Variants in PRSS21 observed in about 807,000 individuals in gnomAD.
PRSS21 encodes the protein testisin.
Under a neutral mutation model 31.1 loss-of-function variants are expected in PRSS21, and 40 were observed. That is an observed-to-expected ratio of 1.29 (90% CI 1.00 to 1.68). The LOEUF is 1.68. PRSS21 is among the 40% of genes most tolerant of loss of function. The probability of loss-of-function intolerance (pLI) is 0.00; values close to 1 mark genes in which losing one functional copy is unlikely to be tolerated. For missense variants in PRSS21, 467 were observed against 412.6 expected, an observed-to-expected ratio of 1.13 and a Z score of -1.14; for synonymous variants, 186 against 167.7, an observed-to-expected ratio of 1.11 and a Z score of -0.84.
chr16:2,820,932 C>G (rs1328706546), intron 4 of PRSS21, 23 bp from the exon 5 acceptor site: 1 of 1,610,378 alleles, frequency 6.2e-7, no homozygotes, highest in Admixed American at 1.7e-5. Context: ...CTGTCTCTCT[C>G]CTTCCCACTA....
Position 2,817,875 on chromosome 16 carries a change from C to A in PRSS21, c.166C>A (p.Gln56Lys), listed in dbSNP as rs559797072. The change falls in exon 3 of 6, where the codon CAG becomes AAG. Residue 56 changes from glutamine to lysine, a missense_variant. By Grantham distance (53) the Gln-to-Lys change is moderately conservative. Transcript: ENST00000005995. This position sits in a 1 kb window ranked among gnomAD's most constrained non-coding sequence, Gnocchi z 4.2. Reference protein sequence around the residue: ...EDAELGRWPWQGSLRLWDSHV... With the variant: ...EDAELGRWPWKGSLRLWDSHV... ...CGCCGAACTCGGGCGTTGGCCGTGG[C>A]AGGGGAGCCTGCGCCTGTGGGATTC... 6.5e-7 allele frequency: 1 copy of A among 1,549,704 alleles called. No homozygotes were observed. Among genetic ancestry groups the A allele is most frequent in the Admixed American group, 2.0e-5 (1 of 51,050 alleles).
Position 2,817,239 on chromosome 16 carries a change from A to AG in PRSS21, c.-25dup, listed in dbSNP as rs1041387868. ...CCGGGCCCGGCGCGAGAGGAGGCAG[A>AG]GGGGGCGTCAGGCCGCGGGAGAGGA... On this transcript the variant is annotated 5_prime_UTR_variant, in exon 1 of 6. Coordinates refer to ENST00000005995, the MANE Select transcript of PRSS21 (RefSeq NM_006799.4). The surrounding 1 kb of genome is among the most constrained non-coding windows in gnomAD (Gnocchi z 4.2). 17 of 1,478,712 alleles carry AG rather than the reference A, an allele frequency of 1.1e-5. No individual in the cohort carries two copies. Among genetic ancestry groups the AG allele is most frequent in the Non-Finnish European group, 1.4e-5 (16 of 1,122,968 alleles). The allele number at this position is 1,478,712 out of a possible 1,614,324, so 91.6% of individuals were successfully genotyped here.
In PRSS21 at chr16:2,818,679, A is replaced by G; in HGVS notation, c.260A>G (p.Tyr87Cys). 6.2e-7 allele frequency: 1 copy of G among 1,613,860 alleles called. No homozygotes were observed. The highest frequency in any genetic ancestry group is 1.1e-5 in the South Asian group (1 of 91,066). Residue 87 changes from tyrosine to cysteine, a missense_variant and splice_region_variant, in exon 4 of 6, where the codon TAT becomes TGT. Transcript: ENST00000005995. ...ACTGCTCTCTTCTCTTCTGCCAGCT[A>G]TAGTGACCTTAGTGATCCCTCCGGG... ...ALTAAHCFET[Y>C]SDLSDPSGWM...
intron 4 of PRSS21, 66 bp from the exon 5 acceptor site, chr16:2,820,889 T>C: frequency 1.3e-6 from 2 of 1,547,334 alleles, no homozygotes; most frequent in Non-Finnish European, 1.8e-6. Context: ...CCCCGCAGCC[T>C]ATGCCATCCC....
In PRSS21 at chr16:2,817,528, AG is replaced by A. The variant is rs1224925986; in HGVS notation, c.91+73del. The A allele has an allele frequency of 3.4e-6, 2 of 581,974 alleles. No individual in the cohort carries two copies. 36.1% of individuals were successfully genotyped at this position (581,974 alleles called of 1,614,324 possible). On this transcript the variant is annotated intron_variant, in intron 2 of 5. Transcript: ENST00000005995. This position sits in a 1 kb window ranked among gnomAD's most constrained non-coding sequence, Gnocchi z 4.2. The stretch of plus-strand genomic sequence containing the variant: ...GGTGGACGGGGGGCGGTGAGGGGGT[AG>A]AGGGGGGCCTTTACTGCTCTCTCGC...
Position 2,817,529 on chromosome 16 carries a change from G to T in PRSS21, c.91+73G>T. 1 of 1,066,664 alleles carries T rather than the reference G, an allele frequency of 9.4e-7. No homozygotes were observed. The highest frequency in any genetic ancestry group is 1.3e-6 in the Non-Finnish European group (1 of 758,838). The allele number at this position is 1,066,664 out of a possible 1,614,324, so 66.1% of individuals were successfully genotyped here. On this transcript the variant is annotated intron_variant, in intron 2 of 5. Transcript: ENST00000005995. The surrounding 1 kb of genome is among the most constrained non-coding windows in gnomAD (Gnocchi z 4.2). ...GTGGACGGGGGGCGGTGAGGGGGTA[G>T]AGGGGGGCCTTTACTGCTCTCTCGC...
At position 2,821,387 on chromosome 16, in the gene PRSS21, G is replaced by T. The variant is rs749515682; in HGVS notation, c.727G>T (p.Ala243Ser). ...ACFGDSGGPL[A>S]CNKNGLWYQI... ...CCAGGGTGACTCAGGTGGACCCTTG[G>T]CCTGTAACAAGAATGGACTGTGGTA... The change falls in exon 6 of 6, where the codon GCC (alanine) becomes TCC (serine). Residue 243 changes from alanine to serine, a missense_variant. Transcript: ENST00000005995. 11 of 1,614,206 alleles carry T rather than the reference G, an allele frequency of 6.8e-6. No individual in the cohort carries two copies. The highest frequency in any genetic ancestry group is 8.5e-6 in the Non-Finnish European group (10 of 1,180,026).
intron 4 of PRSS21, 139 bp downstream of exon 4, chr16:2,819,108 C>A: frequency 2.0e-6 from 2 of 995,776 alleles, no homozygotes; most frequent in African/African-American, 1.6e-5. Flanking sequence ...CCTGCCAGGG[C>A]AGGGACCAAA....
At chr16:2,819,713 G>T (rs796745538) in intron 4 of PRSS21, among the ~76,000 whole-genome samples, 2 of 152,364 alleles carry the variant, frequency 1.3e-5, no homozygotes, top group African/African-American at 2.4e-5. Flanking sequence ...GCCAGGCGCG[G>T]CCTCTCCTCC....
intron 4 of PRSS21, among the ~76,000 whole-genome samples, chr16:2,819,419 C>A (rs1184174573): frequency 6.6e-6 from 1 of 152,216 alleles, no homozygotes; most frequent in Non-Finnish European, 1.5e-5. Flanking sequence ...CCATGCTCAA[C>A]CGCAGCTCCC....
chr16:2,820,771 G>C (rs2069157962), intron 4 of PRSS21, among the ~76,000 whole-genome samples, 184 bp from the exon 5 acceptor site: 1 of 152,122 alleles, frequency 6.6e-6, no homozygotes, highest in African/African-American at 2.4e-5. Context: ...CCCTCCCCGG[G>C]GCCTTCTGTG....
At position 2,817,765 on chromosome 16, in the gene PRSS21, C is replaced by T. The variant is rs1234363104; in HGVS notation, c.92-36C>T. On this transcript the variant is annotated intron_variant, in intron 2 of 5. Transcript: ENST00000005995. The surrounding 1 kb of genome is among the most constrained non-coding windows in gnomAD (Gnocchi z 4.2). ...GGGAGAGGTCGGGCTTGGGGGGCTGCCTCCCGCGGCTCAGCAGTTCCTCTG... is the reference window on the plus strand; with the variant it reads ...GGGAGAGGTCGGGCTTGGGGGGCTGTCTCCCGCGGCTCAGCAGTTCCTCTG... 2.6e-6 allele frequency: 4 copies of T among 1,539,462 alleles called. No homozygotes were observed. The highest frequency in any genetic ancestry group is 8.8e-7 in the Non-Finnish European group (1 of 1,141,040).
In PRSS21 at chr16:2,817,747, G is replaced by A; in HGVS notation, c.92-54G>A. On this transcript the variant is annotated intron_variant, in intron 2 of 5. Transcript: ENST00000005995. This position sits in a 1 kb window ranked among gnomAD's most constrained non-coding sequence, Gnocchi z 4.2. Reference sequence around the variant, plus strand: ...GGGGTTGAAGGGGAGAAAGGGAGAGGTCGGGCTTGGGGGGCTGCCTCCCGC... The same window carrying A: ...GGGGTTGAAGGGGAGAAAGGGAGAGATCGGGCTTGGGGGGCTGCCTCCCGC... 1 of 1,531,836 alleles carries A rather than the reference G, an allele frequency of 6.5e-7. No individual in the cohort carries two copies. The highest frequency in any genetic ancestry group is 8.8e-7 in the Non-Finnish European group (1 of 1,137,796). The allele number at this position is 1,531,836 out of a possible 1,614,324, so 94.9% of individuals were successfully genotyped here.
Position 2,818,118 on chromosome 16 carries a change from C to G in PRSS21, c.257+152C>G. ...GTGTTCTCCTGAGCCCCAGGCTGTGCTGCAGCCGGTTACACCCACTCCAGT... is the reference window on the plus strand; with the variant it reads ...GTGTTCTCCTGAGCCCCAGGCTGTGGTGCAGCCGGTTACACCCACTCCAGT... On this transcript the variant is annotated intron_variant, in intron 3 of 5. Coordinates refer to ENST00000005995, the MANE Select transcript of PRSS21 (RefSeq NM_006799.4). 3 of 1,031,146 alleles carry G rather than the reference C, an allele frequency of 2.9e-6. No individual in the cohort carries two copies. The South Asian group carries it at 4.7e-5, about 16-fold the overall frequency. The allele number at this position is 1,031,146 out of a possible 1,614,324, so 63.9% of individuals were successfully genotyped here. A position where few individuals can be genotyped will look rare whatever the true frequency, so the allele number is the denominator to read the frequency against.
chr16:2,820,627 G>C (rs1270987125), intron 4 of PRSS21, among the ~76,000 whole-genome samples: 1 of 152,198 alleles, frequency 6.6e-6, no homozygotes, highest in Admixed American at 6.5e-5. Flanking sequence ...ATGCTCATCT[G>C]AACACCGTCT....
At position 2,817,800 on chromosome 16, in the gene PRSS21, G is replaced by A; in HGVS notation, c.92-1G>A. On this transcript the variant is annotated splice_acceptor_variant, in intron 2 of 5. Coordinates refer to ENST00000005995, the MANE Select transcript of PRSS21 (RefSeq NM_006799.4). LOFTEE classifies it high-confidence loss of function. This position sits in a 1 kb window ranked among gnomAD's most constrained non-coding sequence, Gnocchi z 4.2. ...CTCAGCAGTTCCTCTGACCATCCGAGGACCATGCGGCCGACGGGTCATCAC... is the reference window on the plus strand; with the variant it reads ...CTCAGCAGTTCCTCTGACCATCCGAAGACCATGCGGCCGACGGGTCATCAC... 1.9e-6 allele frequency: 3 copies of A among 1,549,514 alleles called. No individual in the cohort carries two copies. Among genetic ancestry groups the A allele is most frequent in the East Asian group, 2.4e-5 (1 of 40,926 alleles).
Position 2,817,529 on chromosome 16 carries a change from G to GCGC in PRSS21, c.91+73_91+74insCGC. 3 of 1,066,666 alleles carry GCGC rather than the reference G, an allele frequency of 2.8e-6. No homozygotes were observed. The highest frequency in any genetic ancestry group is 4.0e-6 in the Non-Finnish European group (3 of 758,840). 66.1% of individuals were successfully genotyped at this position (1,066,666 alleles called of 1,614,324 possible). ...GTGGACGGGGGGCGGTGAGGGGGTA[G>GCGC]AGGGGGGCCTTTACTGCTCTCTCGC... On this transcript the variant is annotated intron_variant, in intron 2 of 5. Coordinates refer to ENST00000005995, the MANE Select transcript of PRSS21 (RefSeq NM_006799.4). The surrounding 1 kb of genome is among the most constrained non-coding windows in gnomAD (Gnocchi z 4.2).
chr16:2,820,218 G>C (rs553056270), intron 4 of PRSS21, among the ~76,000 whole-genome samples: 1 of 152,226 alleles, frequency 6.6e-6, no homozygotes, highest in African/African-American at 2.4e-5. Flanking sequence ...TGAAATAGGG[G>C]AATGATGGTG....
chr16:2,818,823 C>T lies in PRSS21; in HGVS notation c.404C>T (p.Pro135Leu). The change falls in exon 4 of 6, where the codon CCC (proline) becomes CTC (leucine). Residue 135 changes from proline (P) to leucine (L), a missense_variant. By Grantham distance (98) the Pro-to-Leu change is moderately conservative. Transcript: ENST00000005995. ...YLSPRYLGNS[P>L]YDIALVKLSA... The stretch of plus-strand genomic sequence containing the variant: ...AGCCCTCGCTACCTGGGGAATTCAC[C>T]CTATGACATTGCCTTGGTGAAGCTG... 1 of 1,613,848 alleles carries T rather than the reference C, an allele frequency of 6.2e-7. No individual in the cohort carries two copies. Among genetic ancestry groups the T allele is most frequent in the Non-Finnish European group, 8.5e-7 (1 of 1,179,728 alleles).
Sources: allele counts gnomAD v4.1 joint callset (sites outside exome capture counted in the v4.1 genomes callset), GRCh38; gene constraint gnomAD v4.1.1; non-coding constraint Gnocchi (gnomAD v3.1); transcripts MANE v1.5; gene names NCBI Gene and HGNC (gene_info 2026-07-23, HGNC 2026-07-21).